Variants in LPP observed in about 807,000 individuals in gnomAD.
LPP encodes the protein lipoma-preferred partner.
Under a neutral mutation model 60.4 loss-of-function variants are expected in LPP, and 38 were observed. The observed-to-expected ratio is 0.63, with a 90% CI of 0.49 to 0.83. The LOEUF is 0.83. Ranked by LOEUF, LPP falls within the 40% of genes least tolerant of loss-of-function variation. The probability of loss-of-function intolerance (pLI) is 0.00; values close to 1 mark genes in which losing one functional copy is unlikely to be tolerated. For missense variants in LPP, 902 were observed against 783.6 expected (o/e 1.15, Z -1.80); for synonymous variants, 328 against 290.8 (o/e 1.13, Z -1.30).
intron 2 of LPP, among the ~76,000 whole-genome samples, chr3:188,304,133 TC>T (rs941181206): frequency 2.2e-4 from 34 of 152,292 alleles, no homozygotes; most frequent in African/African-American, 7.9e-4. Context: ...AATAAATGTA[TC>T]AAATTTGTAG....
intron 9 of LPP, among the ~76,000 whole-genome samples, chr3:188,822,573 G>A (rs1416952209): frequency 1.3e-5 from 2 of 152,152 alleles, no homozygotes; most frequent in Admixed American, 1.3e-4. Flanking sequence ...ATGTCCTGGA[G>A]GCCCCCAGTC....
At chr3:188,332,244 C>T (rs905012456) in intron 2 of LPP, among the ~76,000 whole-genome samples, 1 of 152,158 alleles carries the variant, frequency 6.6e-6, no homozygotes, top group Admixed American at 6.5e-5. Context: ...CATTTCTGCT[C>T]ATGTGTTTAG....
chr3:188,413,135 A>T lies in LPP; in HGVS notation c.193+6822A>T, dbSNP rs1785285384. 2.0e-5 allele frequency among the ~76,000 whole-genome samples: 3 copies of T among 152,166 alleles called. No homozygotes were observed. The South Asian group carries it at 6.2e-4, about 31-fold the overall frequency. ...GGACACATTTGTTTTCTTAGCAGATAACTAACATGTGAGGGAAATGGATGT... is the reference window on the plus strand; with the variant it reads ...GGACACATTTGTTTTCTTAGCAGATTACTAACATGTGAGGGAAATGGATGT... On this transcript the variant is annotated intron_variant, in intron 4 of 11. Transcript: ENST00000617246.
In LPP at chr3:188,683,917, A is replaced by G. The variant is rs139887471; in HGVS notation, c.1114-24350A>G. Among the ~76,000 whole-genome samples the G allele has an allele frequency of 6.8e-3, 1,030 of 152,370 alleles. 13 individuals are homozygous for G. Among genetic ancestry groups the G allele is most frequent in the African/African-American group, 0.024 (987 of 41,592 alleles). ...AAAATATCCCTTCAAAGACCCTCCA[A>G]TAAGCTATGGTATAGTTGAGGAAAC... On this transcript the variant is annotated intron_variant, in intron 7 of 11. Coordinates refer to ENST00000617246, the MANE Select transcript of LPP (RefSeq NM_001375462.1).
chr3:188,714,944 AG>A (rs1427073353), intron 8 of LPP, among the ~76,000 whole-genome samples: 1 of 152,170 alleles, frequency 6.6e-6, no homozygotes, highest in Non-Finnish European at 1.5e-5. Context: ...ATTCTTACCC[AG>A]TTCAATAAAC....
chr3:188,319,001 G>A (rs192053227), intron 2 of LPP, among the ~76,000 whole-genome samples: 112 of 151,730 alleles, frequency 7.4e-4, no homozygotes, highest in Non-Finnish European at 1.3e-3. Flanking sequence ...CTCGTGATCC[G>A]CCCGCCTCGG....
At chr3:188,407,780 GTTTGTTTGT>G (rs1366390000) in intron 4 of LPP, among the ~76,000 whole-genome samples, 11 of 94,892 alleles carry the variant, frequency 1.2e-4, no homozygotes, top group South Asian at 2.9e-4. Flanking sequence ...TTTTTTTTTT[GTTTGTTTGT>G]TTTTTTTTTT....
intron 6 of LPP, among the ~76,000 whole-genome samples, chr3:188,573,755 G>C (rs987822260): frequency 2.6e-5 from 4 of 152,016 alleles, no homozygotes; most frequent in Non-Finnish European, 4.4e-5. Context: ...GCGGGGTATA[G>C]AGCTCCTAAA....
intron 4 of LPP, among the ~76,000 whole-genome samples, chr3:188,424,275 T>G (rs1171091520): frequency 2.0e-5 from 3 of 152,082 alleles, no homozygotes; most frequent in Non-Finnish European, 4.4e-5. Flanking sequence ...AGATGTGCAG[T>G]GTTATTTCTG....
intron 8 of LPP, among the ~76,000 whole-genome samples, chr3:188,751,571 A>G (rs1053059704): frequency 2.6e-5 from 4 of 152,170 alleles, no homozygotes; most frequent in Admixed American, 2.0e-4. Context: ...TGGCCAGATA[A>G]TTTTAGGAAT....
intron 7 of LPP, among the ~76,000 whole-genome samples, chr3:188,637,402 G>A (rs545919358): frequency 6.6e-6 from 1 of 151,976 alleles, no homozygotes; most frequent in South Asian, 2.1e-4. Context: ...ATGCCCACAA[G>A]AGAAAGCAGG....
At chr3:188,463,053 T>C (rs1799524352) in intron 4 of LPP, among the ~76,000 whole-genome samples, 1 of 152,136 alleles carries the variant, frequency 6.6e-6, no homozygotes, top group South Asian at 2.1e-4. Context: ...TGCAATGAGC[T>C]GAGATTGTGC....
intron 8 of LPP, among the ~76,000 whole-genome samples, chr3:188,733,693 C>A (rs1721472466): frequency 6.6e-6 from 1 of 152,172 alleles, no homozygotes; most frequent in African/African-American, 2.4e-5. Context: ...AAACACTTTA[C>A]CAAATTCAGT....
At chr3:188,492,252 T>G (rs570699121) in intron 5 of LPP, among the ~76,000 whole-genome samples, 1 of 152,348 alleles carries the variant, frequency 6.6e-6, no homozygotes, top group East Asian at 1.9e-4. Context: ...TAAGTGAGAC[T>G]ATAGTTGGTT....
intron 4 of LPP, among the ~76,000 whole-genome samples, chr3:188,418,050 A>G (rs1425238742): frequency 6.6e-6 from 1 of 152,196 alleles, no homozygotes; most frequent in African/African-American, 2.4e-5. Context: ...GTGTGCACAA[A>G]TGTGAATAAA....
intron 2 of LPP, among the ~76,000 whole-genome samples, chr3:188,340,862 A>T (rs752529275): frequency 6.6e-6 from 1 of 152,200 alleles, no homozygotes; most frequent in African/African-American, 2.4e-5. Flanking sequence ...TTATAATGTT[A>T]TCTTTTGATC....
chr3:188,265,870 G>GGTGTGTGTGTGTGTGT (rs55722565), intron 2 of LPP, among the ~76,000 whole-genome samples: 66 of 143,428 alleles, frequency 4.6e-4, no homozygotes, highest in Non-Finnish European at 6.2e-4. Flanking sequence ...GGATTACTCT[G>GGTGTGTGTGTGTGTGT]GTGTGTGTGT....
intron 4 of LPP, among the ~76,000 whole-genome samples, chr3:188,484,111 T>C (rs1012084787): frequency 1.3e-5 from 2 of 152,198 alleles, no homozygotes; most frequent in African/African-American, 2.4e-5. Flanking sequence ...GGACGTACCT[T>C]CTACATCATG....
rs1259156271 is a variant in LPP at position 188,887,840 on chromosome 3, C to G, written c.*13361C>G. The G allele has an allele frequency of 1.4e-5, 3 of 211,220 alleles. No homozygotes were observed. The highest frequency in any genetic ancestry group is 2.9e-5 in the Non-Finnish European group (3 of 104,366). The allele number at this position is 211,220 out of a possible 1,614,324, so 13.1% of individuals were successfully genotyped here. On this transcript the variant is annotated 3_prime_UTR_variant, in exon 12 of 12. Coordinates refer to ENST00000617246, the MANE Select transcript of LPP (RefSeq NM_001375462.1). Reference sequence around the variant, plus strand: ...TAAAAGACTTTCTTCCTTTTACTACCCATTTCCTCTCTTGGGAAAGCTGAT... The same window carrying G: ...TAAAAGACTTTCTTCCTTTTACTACGCATTTCCTCTCTTGGGAAAGCTGAT...
Sources: allele counts gnomAD v4.1 joint callset (sites outside exome capture counted in the v4.1 genomes callset), GRCh38; gene constraint gnomAD v4.1.1; transcripts MANE v1.5; gene names NCBI Gene and HGNC (gene_info 2026-07-23, HGNC 2026-07-21).